WDR37: variants seen among roughly 807,000 people sequenced by gnomAD.
WDR37 encodes the protein WD repeat-containing protein 37.
In WDR37, 19 loss-of-function variants were observed where a neutral mutation model predicts 62.9. The ratio of observed to expected loss-of-function variants is 0.30; its 90% CI spans 0.21 to 0.44. The LOEUF is 0.44. Ranked by LOEUF, WDR37 falls within the 20% of genes least tolerant of loss-of-function variation. The pLI, the probability that WDR37 is intolerant of heterozygous loss-of-function variation, is 1.00. For synonymous variants in WDR37, 250 were observed against 260.9 expected, an observed-to-expected ratio of 0.96 and a Z score of 0.40; for missense variants, 474 against 657.6, an observed-to-expected ratio of 0.72 and a Z score of 3.05.
chr10:1,060,979 A>C (rs1165504070), intron 1 of WDR37, among the ~76,000 whole-genome samples: 1 of 152,084 alleles, frequency 6.6e-6, no homozygotes, highest in African/African-American at 2.4e-5. Context: ...GTGTAAGTGT[A>C]CTCTGCGATG....
intron 1 of WDR37, among the ~76,000 whole-genome samples, chr10:1,062,019 G>A (rs57534010): frequency 0.012 from 1,811 of 150,488 alleles, 41 homozygotes; most frequent in African/African-American, 0.042. Context: ...TTTTTTTTTG[G>A]GGGGGCCAAG....
At position 1,103,621 on chromosome 10, in the gene WDR37, T is replaced by G. The variant is rs1564507994; in HGVS notation, c.746T>G (p.Val249Gly). 6.2e-7 allele frequency: 1 copy of G among 1,614,064 alleles called. No homozygotes were observed. The change falls in exon 10 of 14, where the codon GTA becomes GGA. Residue 249 changes from valine (V) to glycine (G), a missense_variant. Physicochemically the swap from Val to Gly is moderately radical, Grantham distance 109. Transcript: ENST00000263150. This position sits in a 1 kb window ranked among gnomAD's most constrained non-coding sequence, Gnocchi z 6.3. ...CAGCAGATATCTGGGGAAGATGAAGTAGAGTGCTCTGACAAGGACGAGCCC... is the reference window on the plus strand; with the variant it reads ...CAGCAGATATCTGGGGAAGATGAAGGAGAGTGCTCTGACAAGGACGAGCCC... ...ADTSISGEDE[V>G]ECSDKDEPDL...
chr10:1,117,198 G>A (rs1034058467), intron 11 of WDR37, among the ~76,000 whole-genome samples: 3 of 152,030 alleles, frequency 2.0e-5, no homozygotes, highest in Non-Finnish European at 4.4e-5. Context: ...GGGACTACAG[G>A]GCTGTGCCAC....
At position 1,069,657 on chromosome 10, in the gene WDR37, GT is replaced by G. The variant is rs200560632; in HGVS notation, c.-40-2457del. Among the ~76,000 whole-genome samples, 1,341 of 152,074 alleles carry G rather than the reference GT, an allele frequency of 8.8e-3. 13 individuals are homozygous for G. Among genetic ancestry groups the G allele is most frequent in the African/African-American group, 0.021 (868 of 41,488 alleles). ...AGGAGTTGAGGGATGGTGCCAGGGA[GT>G]TGGGGTAACTAATGGGTAGTGTGGG... On this transcript the variant is annotated intron_variant, in intron 1 of 13. Coordinates refer to ENST00000263150, the MANE Select transcript of WDR37 (RefSeq NM_014023.4).
chr10:1,087,065 G>T (rs894154948), intron 7 of WDR37, among the ~76,000 whole-genome samples: 1 of 152,342 alleles, frequency 6.6e-6, no homozygotes, highest in South Asian at 2.1e-4. Flanking sequence ...CTGTCTGCCC[G>T]TCCACAGGGC....
At chr10:1,106,118 C>A (rs975140974) in intron 11 of WDR37, among the ~76,000 whole-genome samples, 1 of 152,174 alleles carries the variant, frequency 6.6e-6, no homozygotes. Flanking sequence ...TCAGTTCTTT[C>A]CGTGACCGTC....
At chr10:1,068,101 A>C (rs1415968148) in intron 1 of WDR37, among the ~76,000 whole-genome samples, 2 of 152,080 alleles carry the variant, frequency 1.3e-5, no homozygotes, top group Non-Finnish European at 2.9e-5. Flanking sequence ...GGAGGATGAG[A>C]AGAGAGTTAA....
At chr10:1,081,314 T>C (rs1834021259) in intron 5 of WDR37, among the ~76,000 whole-genome samples, 1 of 152,228 alleles carries the variant, frequency 6.6e-6, no homozygotes, top group Admixed American at 6.5e-5. Context: ...TCAAGTGATA[T>C]TTTGAGGTAA....
At chr10:1,113,227 G>A (rs1364873780) in intron 11 of WDR37, among the ~76,000 whole-genome samples, 1 of 152,210 alleles carries the variant, frequency 6.6e-6, no homozygotes, top group African/African-American at 2.4e-5. Flanking sequence ...CCAAAGGCTG[G>A]ATGAGAGCAC....
chr10:1,104,562 C>T (rs1457311862), intron 10 of WDR37, among the ~76,000 whole-genome samples: 1 of 152,200 alleles, frequency 6.6e-6, no homozygotes, highest in African/African-American at 2.4e-5. Flanking sequence ...ACCTTAATTA[C>T]ATCTGCAAAA....
At chr10:1,060,336 A>G (rs1833336054) in intron 1 of WDR37, among the ~76,000 whole-genome samples, 1 of 152,238 alleles carries the variant, frequency 6.6e-6, no homozygotes, top group Admixed American at 6.5e-5. Flanking sequence ...TACTAAGGGC[A>G]GGTGAACTGG....
At chr10:1,063,080 T>A (rs1273083470) in intron 1 of WDR37, among the ~76,000 whole-genome samples, 3 of 146,658 alleles carry the variant, frequency 2.0e-5, no homozygotes, top group Non-Finnish European at 1.5e-5. Context: ...AGCGACACTC[T>A]GTTAAAAAAA....
At position 1,127,790 on chromosome 10, in the gene WDR37, C is replaced by T. The variant is rs1452192318; in HGVS notation, c.1354-1423C>T. On this transcript the variant is annotated intron_variant, in intron 13 of 13. Transcript: ENST00000263150. Reference sequence around the variant, plus strand: ...GCCCCGTGCTGAGCGTCCTGGAGCACATCACGTGCACTGGGGCTCATGACG... The same window carrying T: ...GCCCCGTGCTGAGCGTCCTGGAGCATATCACGTGCACTGGGGCTCATGACG... Among the ~76,000 whole-genome samples, 3 of 152,134 alleles carry T rather than the reference C, an allele frequency of 2.0e-5. No individual in the cohort carries two copies. In the East Asian group the frequency reaches 5.8e-4, roughly 29 times the overall value.
intron 11 of WDR37, among the ~76,000 whole-genome samples, chr10:1,111,059 A>G (rs1359499032): frequency 6.6e-6 from 1 of 152,192 alleles, no homozygotes; most frequent in Non-Finnish European, 1.5e-5. Flanking sequence ...AGTTATATGC[A>G]TGGTGTTTTT....
At chr10:1,093,539 C>T (rs776943967) in intron 8 of WDR37, 43 bp downstream of exon 8, 4 of 1,438,288 alleles carry the variant, frequency 2.8e-6, no homozygotes, top group South Asian at 2.4e-5. Flanking sequence ...GATAGATGGT[C>T]TTAAAACAAC....
At chr10:1,108,805 G>C (rs1835112914) in intron 11 of WDR37, among the ~76,000 whole-genome samples, 1 of 140,688 alleles carries the variant, frequency 7.1e-6, no homozygotes, top group Non-Finnish European at 1.5e-5. Context: ...CCCTGCCCCA[G>C]GCTGGGAAGA....
At chr10:1,087,211 G>A (rs1015876542) in intron 7 of WDR37, among the ~76,000 whole-genome samples, 3 of 151,928 alleles carry the variant, frequency 2.0e-5, no homozygotes, top group East Asian at 1.9e-4. Context: ...CGCCTTTCCC[G>A]TGTTAGACCC....
chr10:1,062,410 G>A (rs938315540), intron 1 of WDR37, among the ~76,000 whole-genome samples: 2 of 152,170 alleles, frequency 1.3e-5, no homozygotes, highest in Admixed American at 6.6e-5. Context: ...TTTTGGTAAC[G>A]AACTTGTAGA....
chr10:1,122,196 G>A (rs942439640), intron 11 of WDR37, among the ~76,000 whole-genome samples: 8 of 152,126 alleles, frequency 5.3e-5, no homozygotes, highest in African/African-American at 1.9e-4. Flanking sequence ...ACCTCGATGA[G>A]GGTAGATGTG....
Sources: gnomAD v4.1 joint callset for allele counts (sites outside exome capture counted in the v4.1 genomes callset) on GRCh38, gnomAD v4.1.1 for gene constraint, Gnocchi (gnomAD v3.1) non-coding constraint, MANE v1.5 for transcripts, NCBI Gene and HGNC (gene_info 2026-07-23, HGNC 2026-07-21) for gene names.